TERF1: variants seen among roughly 807,000 people sequenced by gnomAD.
TERF1 encodes the protein telomeric repeat binding factor 1.
Under a neutral mutation model 55.1 loss-of-function variants are expected in TERF1, and 20 were observed. The observed-to-expected ratio is 0.36, with a 90% CI of 0.26 to 0.53. The LOEUF is 0.53. TERF1 is among the 20% of genes least tolerant of loss of function. The probability of loss-of-function intolerance (pLI) is 0.91; values close to 1 mark genes in which losing one functional copy is unlikely to be tolerated. For synonymous variants in TERF1, 168 were observed against 181.2 expected, an observed-to-expected ratio of 0.93 and a Z score of 0.59; for missense variants, 439 against 535.7, an observed-to-expected ratio of 0.82 and a Z score of 1.78.
At position 73,020,960 on chromosome 8, in the gene TERF1, C is replaced by G. The variant is rs55887981; in HGVS notation, c.537+155C>G. Among the ~76,000 whole-genome samples, 1,053 of 152,152 alleles carry G rather than the reference C, an allele frequency of 6.9e-3. 8 individuals carry two copies. The highest frequency in any genetic ancestry group is 0.023 in the African/African-American group (968 of 41,528). ...TTGGTTTATAGTCTTAACATGAGCACTGGGGGCTGGAACTTAATGTGCCAT... is the reference window on the plus strand; with the variant it reads ...TTGGTTTATAGTCTTAACATGAGCAGTGGGGGCTGGAACTTAATGTGCCAT... On this transcript the variant is annotated intron_variant, in intron 3 of 9. Coordinates refer to ENST00000276603, the MANE Select transcript of TERF1 (RefSeq NM_017489.3).
chr8:73,027,153 T>C, intron 6 of TERF1, 101 bp downstream of exon 6: 1 of 821,038 alleles, frequency 1.2e-6, no homozygotes, highest in Non-Finnish European at 1.9e-6. Flanking sequence ...TTGAGTAGCA[T>C]GTTATCTTGC....
At chr8:73,034,229 T>G (rs1809416137) in intron 8 of TERF1, among the ~76,000 whole-genome samples, 1 of 152,188 alleles carries the variant, frequency 6.6e-6, no homozygotes, top group Non-Finnish European at 1.5e-5. Context: ...TTTCCAGGTT[T>G]CAAGCAATTC....
intron 2 of TERF1, 100 bp downstream of exon 2, chr8:73,014,090 A>C (rs34859101): frequency 0.021 from 19,063 of 924,032 alleles, 286 homozygotes; most frequent in South Asian, 0.035. Flanking sequence ...TTTGCCTACA[A>C]GTGTCTGGTG....
chr8:73,038,293 A>G (rs1809688991), intron 8 of TERF1, among the ~76,000 whole-genome samples: 1 of 150,182 alleles, frequency 6.7e-6, no homozygotes, highest in South Asian at 2.1e-4. Context: ...TTTACAAAAA[A>G]ATTTTAAAAA....
At position 73,027,064 on chromosome 8, in the gene TERF1, A is replaced by G. The variant is rs761745611; in HGVS notation, c.887+12A>G. The G allele has an allele frequency of 1.3e-6, 2 of 1,575,578 alleles. No homozygotes were observed. The highest frequency in any genetic ancestry group is 1.7e-6 in the Non-Finnish European group (2 of 1,154,422). On this transcript the variant is annotated intron_variant, in intron 6 of 9. Coordinates refer to ENST00000276603, the MANE Select transcript of TERF1 (RefSeq NM_017489.3). Reference sequence around the variant, plus strand: ...GATACAAGAAAAAGGTTTGTAATTTAATCAATTTGTATATTTTTTGTTTTA... The same window carrying G: ...GATACAAGAAAAAGGTTTGTAATTTGATCAATTTGTATATTTTTTGTTTTA...
intron 6 of TERF1, 101 bp downstream of exon 6, chr8:73,027,153 T>A: frequency 3.7e-6 from 3 of 821,034 alleles, no homozygotes; most frequent in Non-Finnish European, 5.6e-6. Context: ...TTGAGTAGCA[T>A]GTTATCTTGC....
rs558956901 is a variant in TERF1 at position 73,027,021 on chromosome 8, G to A, written c.856G>A (p.Glu286Lys). 19 of 1,612,222 alleles carry A rather than the reference G, an allele frequency of 1.2e-5. 1 individual carries two copies. In the East Asian group the frequency reaches 4.2e-4, roughly 36 times the overall value. The change falls in exon 6 of 10, where the codon GAA (glutamate) becomes AAA (lysine). Residue 286 changes from glutamate to lysine, a missense_variant. Physicochemically the swap from Glu to Lys is moderately conservative, Grantham distance 56 (BLOSUM62 1). Transcript: ENST00000276603. The part of the protein sequence containing the change: ...DKPSGNDVEM[E>K]TEANLDTRKS... ...ACCTAGTGGTAATGATGTTGAAATG[G>A]AAACTGAAGCTAATTTGGATACAAG... is the stretch of plus-strand genomic sequence containing the variant.
rs903670682 is a variant in TERF1, at chr8:73,018,401, C to T, written c.416-2283C>T. On this transcript the variant is annotated intron_variant, in intron 2 of 9. Transcript: ENST00000276603. ...TTAAAATTCTCTTTATTCGGTCGGG[C>T]TTGGTGGCTCACGCCTGTAATCCCA... Among the ~76,000 whole-genome samples the T allele has an allele frequency of 2.0e-5, 3 of 152,198 alleles. No homozygotes were observed. In the South Asian group the frequency reaches 6.2e-4, roughly 31 times the overall value.
intron 8 of TERF1, among the ~76,000 whole-genome samples, chr8:73,037,654 T>C (rs1298381879): frequency 3.1e-5 from 2 of 64,910 alleles, no homozygotes; most frequent in Non-Finnish European, 5.6e-5. Flanking sequence ...ATATATATTA[T>C]ATGTATAATA....
chr8:73,041,226 AG>A (rs1439122823), intron 9 of TERF1, among the ~76,000 whole-genome samples: 31 of 152,192 alleles, frequency 2.0e-4, no homozygotes, highest in Middle Eastern at 3.4e-3. Context: ...CTTTAATGTG[AG>A]GTTTTATGTT....
chr8:73,033,852 T>A (rs1277140024), intron 8 of TERF1, among the ~76,000 whole-genome samples: 1 of 152,228 alleles, frequency 6.6e-6, no homozygotes, highest in Non-Finnish European at 1.5e-5. Context: ...AAGTACGTTT[T>A]CTTAAAAAAA....
chr8:73,035,347 GTTTAATT>G (rs534588911), intron 8 of TERF1, among the ~76,000 whole-genome samples: 21 of 150,956 alleles, frequency 1.4e-4, no homozygotes, highest in Non-Finnish European at 2.1e-4. Context: ...GAGGGAAGTT[GTTTAATT>G]TCCAAATATC....
chr8:73,038,885 ATTTAT>A, intron 8 of TERF1: 1 of 532,148 alleles, frequency 1.9e-6, no homozygotes, highest in Non-Finnish European at 2.7e-6. Flanking sequence ...ATGTGAAATG[ATTTAT>A]TTAAAGACAT....
chr8:73,013,359 A>C (rs1241045762), intron 1 of TERF1, among the ~76,000 whole-genome samples: 1 of 152,202 alleles, frequency 6.6e-6, no homozygotes, highest in East Asian at 1.9e-4. Context: ...TCAGTAGTTC[A>C]ATCGCTTGTC....
intron 9 of TERF1, among the ~76,000 whole-genome samples, chr8:73,040,705 T>C (rs563691155): frequency 3.3e-5 from 5 of 152,248 alleles, no homozygotes; most frequent in East Asian, 2.0e-4. Flanking sequence ...TTCCTTTCCT[T>C]CTTCTTCTGG....
At position 73,046,145 on chromosome 8, in the gene TERF1, T is replaced by C; in HGVS notation, c.*8T>C. 1 of 1,554,256 alleles carries C rather than the reference T, an allele frequency of 6.4e-7. No homozygotes were observed. The highest frequency in any genetic ancestry group is 2.0e-4 in the Middle Eastern group (1 of 5,004). ...TCAGACAGCGAAGACTGATTGTGTTTGTAAAAGCTTGATGAAAGGACAGTT... is the reference window on the plus strand; with the variant it reads ...TCAGACAGCGAAGACTGATTGTGTTCGTAAAAGCTTGATGAAAGGACAGTT... On this transcript the variant is annotated 3_prime_UTR_variant, in exon 10 of 10. Transcript: ENST00000276603.
chr8:73,029,191 A>T (rs1809168351), intron 6 of TERF1, among the ~76,000 whole-genome samples: 1 of 152,224 alleles, frequency 6.6e-6, no homozygotes, highest in Non-Finnish European at 1.5e-5. Flanking sequence ...GGAAACCTCC[A>T]TGTTATGAAG....
chr8:73,033,295 TA>T (rs1809371592), intron 8 of TERF1, among the ~76,000 whole-genome samples: 1 of 152,138 alleles, frequency 6.6e-6, no homozygotes, highest in Non-Finnish European at 1.5e-5. Flanking sequence ...GGAAACTCAG[TA>T]AAGTTATGTG....
chr8:73,013,815 G>A (rs1369408028), intron 1 of TERF1, 80 bp from the exon 2 acceptor site: 2 of 764,816 alleles, frequency 2.6e-6, no homozygotes, highest in Non-Finnish European at 4.5e-6. Context: ...TATGTTTGTA[G>A]CCTATTACTC....
Sources: allele counts gnomAD v4.1 joint callset (sites outside exome capture counted in the v4.1 genomes callset), GRCh38; gene constraint gnomAD v4.1.1; transcripts MANE v1.5; gene names NCBI Gene and HGNC (gene_info 2026-07-23, HGNC 2026-07-21).